The following TCAIM variants were observed in gnomAD, a reference collection of about 807,000 sequenced individuals.
TCAIM encodes the protein T cell activation inhibitor, mitochondrial.
A neutral mutation model predicts 58.6 loss-of-function variants in TCAIM; 36 were observed. The observed-to-expected ratio is 0.61, with a 90% CI of 0.47 to 0.81. The LOEUF (loss-of-function observed/expected upper bound fraction) is 0.81. TCAIM is among the 30% of genes least tolerant of loss of function. The probability of loss-of-function intolerance (pLI) is 0.00; values close to 1 mark genes in which losing one functional copy is unlikely to be tolerated. For missense variants in TCAIM, 466 were observed against 579.6 expected (o/e 0.80, Z 2.01); for synonymous variants, 172 against 193.6 (o/e 0.89, Z 0.93).
At chr3:44,393,074 C>A in intron 6 of TCAIM, 97 bp downstream of exon 6, 1 of 1,004,526 alleles carries the variant, frequency 1.0e-6, no homozygotes. Flanking sequence ...TCTTTAATTG[C>A]TCTGATAACT....
intron 3 of TCAIM, among the ~76,000 whole-genome samples, chr3:44,361,127 T>C (rs1701288938): frequency 6.6e-6 from 1 of 152,218 alleles, no homozygotes; most frequent in African/African-American, 2.4e-5. Context: ...CAACCATGTT[T>C]TCTTCTATTA....
chr3:44,387,139 A>G (rs143733216), intron 5 of TCAIM, among the ~76,000 whole-genome samples: 3 of 152,270 alleles, frequency 2.0e-5, no homozygotes, highest in East Asian at 3.9e-4. Flanking sequence ...GGTCTCCTCA[A>G]TGTTGACACA....
chr3:44,363,920 C>CTTTTTTTTT (rs56361211), intron 4 of TCAIM, among the ~76,000 whole-genome samples: 5 of 67,414 alleles, frequency 7.4e-5, no homozygotes, highest in Non-Finnish European at 1.3e-4. Flanking sequence ...GCAAGTCTGT[C>CTTTTTTTTT]TTTTTTTTTT....
intron 4 of TCAIM, chr3:44,362,443 G>C (rs1701308251): frequency 2.5e-6 from 1 of 400,836 alleles, no homozygotes; most frequent in Admixed American, 4.4e-5. Context: ...AGGAGGAAGA[G>C]CTTGATCTGA....
At chr3:44,383,876 C>G (rs1701694258) in intron 5 of TCAIM, among the ~76,000 whole-genome samples, 1 of 150,114 alleles carries the variant, frequency 6.7e-6, no homozygotes, top group Non-Finnish European at 1.5e-5. Context: ...AATCACACCA[C>G]TGCACTCTGA....
At position 44,407,819 on chromosome 3, in the gene TCAIM, T is replaced by TA. The variant is rs1310289395; in HGVS notation, c.*144dup. The TA allele has an allele frequency of 4.0e-6, 4 of 991,622 alleles. No homozygotes were observed. The highest frequency in any genetic ancestry group is 5.6e-6 in the Non-Finnish European group (4 of 717,620). 61.4% of individuals were successfully genotyped at this position (991,622 alleles called of 1,614,324 possible). On this transcript the variant is annotated 3_prime_UTR_variant, in exon 11 of 11. Transcript: ENST00000342649. The stretch of plus-strand genomic sequence containing the variant: ...CTGCTGCTTTAAAAGTAGACTTTTT[T>TA]AAAAAAATTAATTTCTGCTAGGAGA...
chr3:44,366,523 T>C (rs373172161), intron 4 of TCAIM, among the ~76,000 whole-genome samples: 7 of 146,776 alleles, frequency 4.8e-5, no homozygotes, highest in African/African-American at 1.8e-4. Context: ...TGGAGTGCAG[T>C]GGCACGATCT....
At chr3:44,352,154 C>T (rs1157136693) in intron 1 of TCAIM, among the ~76,000 whole-genome samples, 4 of 150,674 alleles carry the variant, frequency 2.7e-5, no homozygotes, top group African/African-American at 9.7e-5. Flanking sequence ...AGGACTTTAG[C>T]CATGTGGTGA....
Position 44,367,667 on chromosome 3 carries a change from T to C in TCAIM, c.531T>C (p.Asp177=). The change falls in exon 5 of 11, where the codon GAT becomes GAC. Residue 177 remains aspartate (D), a synonymous_variant. Transcript: ENST00000342649. ...CCTTTACTGGATTCAAGGACCCTGA[T>C]GAAGACCTTGAACAAGTCTCGAGAG... is the stretch of plus-strand genomic sequence containing the variant. ...YYSFTGFKDP[D]EDLEQVSRVE... The C allele has an allele frequency of 1.2e-6, 2 of 1,613,996 alleles. No individual in the cohort carries two copies. Among genetic ancestry groups the C allele is most frequent in the Non-Finnish European group, 1.7e-6 (2 of 1,179,898 alleles).
rs1328596794 is a variant in TCAIM, at chr3:44,394,502, G to GA, written c.695+1529dup. Among the ~76,000 whole-genome samples the GA allele has an allele frequency of 2.6e-4, 39 of 151,926 alleles. 1 individual carries two copies. The highest frequency in any genetic ancestry group is 1.5e-5 in the Non-Finnish European group (1 of 68,002). The stretch of plus-strand genomic sequence containing the variant: ...ATCTGTCAAAGCAGACTGGGGTTAG[G>GA]AAAATGAAAGGATTTCTTAAACAAA... On this transcript the variant is annotated intron_variant, in intron 6 of 10. Coordinates refer to ENST00000342649, the MANE Select transcript of TCAIM (RefSeq NM_173826.4).
chr3:44,377,686 T>C (rs941776640), intron 5 of TCAIM, among the ~76,000 whole-genome samples: 1 of 152,054 alleles, frequency 6.6e-6, no homozygotes, highest in African/African-American at 2.4e-5. Flanking sequence ...CTGACCAAAA[T>C]GGGATGAAGT....
At chr3:44,351,749 C>T (rs1298675735) in intron 1 of TCAIM, among the ~76,000 whole-genome samples, 2 of 152,024 alleles carry the variant, frequency 1.3e-5, no homozygotes, top group Non-Finnish European at 2.9e-5. Flanking sequence ...CCCACCTCAG[C>T]CTCCCAAAGT....
intron 1 of TCAIM, among the ~76,000 whole-genome samples, chr3:44,351,289 C>T (rs893956272): frequency 6.6e-6 from 1 of 151,812 alleles, no homozygotes; most frequent in African/African-American, 2.4e-5. Flanking sequence ...ATCTTTCTTA[C>T]GGAGCAAAGA....
At chr3:44,374,951 G>T (rs1701541621) in intron 5 of TCAIM, among the ~76,000 whole-genome samples, 1 of 151,994 alleles carries the variant, frequency 6.6e-6, no homozygotes, top group Non-Finnish European at 1.5e-5. Context: ...TTAAATCCAT[G>T]GAAAACTGAG....
chr3:44,374,780 TA>T (rs1197108631), intron 5 of TCAIM, among the ~76,000 whole-genome samples: 1 of 151,766 alleles, frequency 6.6e-6, no homozygotes, highest in African/African-American at 2.4e-5. Flanking sequence ...AATATAAAAA[TA>T]AAAAAACTAT....
intron 5 of TCAIM, among the ~76,000 whole-genome samples, chr3:44,372,531 AT>A (rs1357932018): frequency 1.6e-4 from 25 of 152,230 alleles, no homozygotes; most frequent in Non-Finnish European, 2.8e-4. Context: ...AATTCTGCCC[AT>A]TTATATCAAT....
chr3:44,398,226 C>G (rs528593992), intron 8 of TCAIM, among the ~76,000 whole-genome samples: 7 of 152,056 alleles, frequency 4.6e-5, no homozygotes, highest in African/African-American at 1.7e-4. Flanking sequence ...GAGTTCGAGA[C>G]CAGCCTGGCA....
chr3:44,357,251 C>G (rs948832137), intron 2 of TCAIM, among the ~76,000 whole-genome samples: 9 of 150,802 alleles, frequency 6.0e-5, no homozygotes, highest in African/African-American at 2.2e-4. Flanking sequence ...GCCTGTAGTT[C>G]CAGCTACTTG....
intron 5 of TCAIM, among the ~76,000 whole-genome samples, chr3:44,390,356 G>A (rs746066723): frequency 4.6e-5 from 7 of 152,164 alleles, no homozygotes; most frequent in Non-Finnish European, 7.4e-5. Context: ...AGTGGCTCAC[G>A]CCTTTAATGC....
Sources: gnomAD v4.1 joint callset for allele counts (sites outside exome capture counted in the v4.1 genomes callset) on GRCh38, gnomAD v4.1.1 for gene constraint, MANE v1.5 for transcripts, NCBI Gene and HGNC (gene_info 2026-07-23, HGNC 2026-07-21) for gene names.